The following SCOC variants were observed in gnomAD, a reference collection of about 807,000 sequenced individuals.
The protein encoded by SCOC is short coiled-coil protein.
In SCOC, 7 loss-of-function variants were observed where a neutral mutation model predicts 9.9. The ratio of observed to expected loss-of-function variants is 0.71; its 90% CI spans 0.40 to 1.33. The LOEUF (loss-of-function observed/expected upper bound fraction) is 1.33, where lower values mean the gene tolerates loss of function less well. SCOC is among the 40% of genes most tolerant of loss of function. The probability of loss-of-function intolerance (pLI) is 0.01; values close to 1 mark genes in which losing one functional copy is unlikely to be tolerated. For missense variants in SCOC, 66 were observed against 89.7 expected, an observed-to-expected ratio of 0.74 and a Z score of 1.07; for synonymous variants, 19 against 28.2, an observed-to-expected ratio of 0.67 and a Z score of 1.03.
At position 140,290,149 on chromosome 4, in the gene SCOC, G is replaced by A. The variant is rs564624476; in HGVS notation, c.-19+32739G>A. ...ATAGGAATGAGAGCCCAGGGAACTG[G>A]TGTAAGAAAATGCTGATACTCTGGC... On this transcript the variant is annotated intron_variant, in intron 1 of 4. Coordinates refer to the SCOC transcript ENST00000394205. 2.6e-5 allele frequency among the ~76,000 whole-genome samples: 4 copies of A among 152,318 alleles called. No homozygotes were observed. The East Asian group carries it at 5.8e-4, about 22-fold the overall frequency.
At chr4:140,378,017 A>C (rs946867591) in intron 1 of SCOC, among the ~76,000 whole-genome samples, 1 of 152,166 alleles carries the variant, frequency 6.6e-6, no homozygotes, top group Non-Finnish European at 1.5e-5. Flanking sequence ...TATTGAATGA[A>C]ATGATTGTTA....
chr4:140,333,655 G>A (rs1732881157), intron 1 of SCOC, among the ~76,000 whole-genome samples: 1 of 151,724 alleles, frequency 6.6e-6, no homozygotes, highest in Non-Finnish European at 1.5e-5. Context: ...TTTCTGTGTT[G>A]CCCAAGCAGA....
At position 140,295,610 on chromosome 4, in the gene SCOC, C is replaced by G. The variant is rs570158079; in HGVS notation, c.-19+38200C>G. ...CTGCTGGCTGGGCTCCGGCTCAGGA[C>G]AGTTTCTTAAGTAGCGTCACAAGAC... On this transcript the variant is annotated intron_variant, in intron 1 of 4. Transcript: ENST00000394205. Among the ~76,000 whole-genome samples, 9 of 152,280 alleles carry G rather than the reference C, an allele frequency of 5.9e-5. No homozygotes were observed. The South Asian group carries it at 1.0e-3, about 18-fold the overall frequency.
At chr4:140,366,540 A>C (rs976535793) in intron 2 of SCOC, 10 of 1,581,108 alleles carry the variant, frequency 6.3e-6, no homozygotes, top group Non-Finnish European at 7.8e-6. Flanking sequence ...TAAAATGATC[A>C]AAATCTGTCA....
chr4:140,370,877 ACT>A (rs1434620712), upstream of SCOC, among the ~76,000 whole-genome samples: 1 of 150,144 alleles, frequency 6.7e-6, no homozygotes, highest in Non-Finnish European at 1.5e-5. Context: ...TCTTTTTCTT[ACT>A]GATTTGTCTG....
rs187224062 is a variant in SCOC, at chr4:140,338,350, T to C, written c.-18-5271T>C. On this transcript the variant is annotated intron_variant, in intron 1 of 4. Transcript: ENST00000394205. The stretch of plus-strand genomic sequence containing the variant: ...AACCCACAACCAATATCATACTGAA[T>C]GGGCAAAAACTGGAAGAATTCCCTT... Among the ~76,000 whole-genome samples the C allele has an allele frequency of 6.4e-4, 97 of 152,296 alleles. 1 individual carries two copies. The highest frequency in any genetic ancestry group is 6.0e-3 in the Admixed American group (92 of 15,298).
Position 140,385,211 on chromosome 4 carries a change from T to G in SCOC, c.*4107T>G, listed in dbSNP as rs1426261702. The G allele has an allele frequency of 6.6e-6, 1 of 152,206 alleles. No individual in the cohort carries two copies. The highest frequency in any genetic ancestry group is 2.4e-5 in the African/African-American group (1 of 41,464). 9.4% of individuals were successfully genotyped at this position (152,206 alleles called of 1,614,324 possible). On this transcript the variant is annotated 3_prime_UTR_variant, in exon 4 of 4. Transcript: ENST00000608372. ...GCAGGTTACTACACATCACAGATCC[T>G]CGTCTGAAACTTGTAGGGCCAGATG...
chr4:140,293,111 G>A (rs996833265), intron 1 of SCOC: 3 of 361,464 alleles, frequency 8.3e-6, no homozygotes, highest in Admixed American at 3.6e-5. Context: ...TCCACTGTAC[G>A]TGTAGCTCAT....
intron 1 of SCOC, among the ~76,000 whole-genome samples, chr4:140,272,021 C>T (rs1730856300): frequency 6.6e-6 from 1 of 151,606 alleles, no homozygotes; most frequent in South Asian, 2.1e-4. Flanking sequence ...TGCAAGCCTC[C>T]CACTTCTGTG....
At chr4:140,333,542 C>G (rs1732877789) in intron 1 of SCOC, among the ~76,000 whole-genome samples, 1 of 152,062 alleles carries the variant, frequency 6.6e-6, no homozygotes, top group Non-Finnish European at 1.5e-5. Context: ...TAGCACATGG[C>G]AGGTATTTGA....
At chr4:140,366,563 T>G in intron 2 of SCOC, 1 of 1,599,264 alleles carries the variant, frequency 6.3e-7, no homozygotes, top group Non-Finnish European at 8.6e-7. Flanking sequence ...TTGGCTTTCC[T>G]TTCTCTGGCT....
intron 2 of SCOC, chr4:140,366,364 T>G: frequency 8.0e-7 from 1 of 1,256,794 alleles, no homozygotes; most frequent in African/African-American, 1.5e-5. Context: ...GCTGGAGCCT[T>G]CTTGCCTGCA....
chr4:140,362,755 T>G (rs1727626052), intron 2 of SCOC: 1 of 152,182 alleles, frequency 6.6e-6, no homozygotes, highest in Non-Finnish European at 1.5e-5. Context: ...GTTCTCTTCC[T>G]TTTTAAACTT....
intron 1 of SCOC, among the ~76,000 whole-genome samples, chr4:140,299,102 G>A (rs1731736601): frequency 6.6e-6 from 1 of 152,206 alleles, no homozygotes; most frequent in Admixed American, 6.5e-5. Context: ...ACAGGCATGA[G>A]CCACCATGTC....
At chr4:140,375,588 G>A (rs1274609006) in intron 1 of SCOC, among the ~76,000 whole-genome samples, 2 of 152,148 alleles carry the variant, frequency 1.3e-5, no homozygotes, top group Non-Finnish European at 2.9e-5. Context: ...TAAGATAGGG[G>A]CATATTTGGT....
Position 140,346,406 on chromosome 4 carries a change from C to T in SCOC, c.70+2698C>T, listed in dbSNP as rs75796774. On this transcript the variant is annotated intron_variant, in intron 2 of 4. Transcript: ENST00000338517. ...ATTCTGAATAGAAAGGCCTCGAGTC[C>T]CCGGCACTGATCCCTGTGTGACTGG... 1.1e-4 allele frequency among the ~76,000 whole-genome samples: 16 copies of T among 152,200 alleles called. No individual in the cohort carries two copies. In the East Asian group the frequency reaches 2.9e-3, roughly 28 times the overall value.
At position 140,382,875 on chromosome 4, in the gene SCOC, TTC is replaced by T. The variant is rs1728615650; in HGVS notation, c.*1776_*1777del. On this transcript the variant is annotated 3_prime_UTR_variant, in exon 4 of 4. Coordinates refer to ENST00000608372, the MANE Select transcript of SCOC (RefSeq NM_001153484.2). ...TGATAAAGAATATAAATATAGAAGT[TTC>T]TCTCCCAACCAGTGGTTCCAAGGTC... 1 of 152,182 alleles carries T rather than the reference TTC, an allele frequency of 6.6e-6. No homozygotes were observed. Among genetic ancestry groups the T allele is most frequent in the African/African-American group, 2.4e-5 (1 of 41,444 alleles). 9.4% of individuals were successfully genotyped at this position (152,182 alleles called of 1,614,324 possible). A position where few individuals can be genotyped will look rare whatever the true frequency, so the allele number is the denominator to read the frequency against.
At chr4:140,312,833 C>G (rs949877998) in intron 1 of SCOC, among the ~76,000 whole-genome samples, 2 of 152,158 alleles carry the variant, frequency 1.3e-5, no homozygotes, top group African/African-American at 4.8e-5. Flanking sequence ...GTTGCTACAA[C>G]AAGAAGAGAA....
intron 2 of SCOC, among the ~76,000 whole-genome samples, chr4:140,350,845 C>T (rs1213422121): frequency 6.6e-6 from 1 of 152,144 alleles, no homozygotes; most frequent in South Asian, 2.1e-4. Context: ...GGTACATTTT[C>T]CTTCCTCTGT....
Sources: gnomAD v4.1 joint callset for allele counts (sites outside exome capture counted in the v4.1 genomes callset) on GRCh38, gnomAD v4.1.1 for gene constraint, MANE v1.5 for transcripts, NCBI Gene and HGNC (gene_info 2026-07-23, HGNC 2026-07-21) for gene names.